Variants in ANKS3 observed in about 807,000 individuals in gnomAD.
ANKS3 encodes the protein ankyrin repeat and sterile alpha motif domain containing 3.
Under a neutral mutation model 80.7 loss-of-function variants are expected in ANKS3, and 62 were observed. The ratio of observed to expected loss-of-function variants is 0.77; its 90% confidence interval spans 0.63 to 0.95. The LOEUF is 0.95. Ranked by LOEUF, ANKS3 falls within the 40% of genes least tolerant of loss-of-function variation. The pLI, the probability that ANKS3 is intolerant of heterozygous loss-of-function variation, is 0.00. For missense variants in ANKS3, 1,150 were observed against 883.6 expected (o/e 1.30, Z -3.82); for synonymous variants, 489 against 355.3 (o/e 1.38, Z -4.23).
Position 4,734,261 on chromosome 16 carries a change from GC to G in ANKS3, c.-395del, listed in dbSNP as rs2081832483. On this transcript the variant is annotated 5_prime_UTR_variant, in exon 1 of 18. Coordinates refer to ENST00000304283, the MANE Select transcript of ANKS3 (RefSeq NM_133450.4). Reference sequence around the variant, plus strand: ...CGCCGGGGCACCGCCCCCGGCACCCGCCCCGGAAGTAGTTGCGGGAGGGCGC... The same window carrying G: ...CGCCGGGGCACCGCCCCCGGCACCCGCCCGGAAGTAGTTGCGGGAGGGCGC... The G allele has an allele frequency of 6.5e-6, 1 of 154,956 alleles. No individual in the cohort carries two copies. Among genetic ancestry groups the G allele is most frequent in the Non-Finnish European group, 1.4e-5 (1 of 70,548 alleles). 9.6% of individuals were successfully genotyped at this position (154,956 alleles called of 1,614,324 possible).
At chr16:4,706,941 A>G (rs1171738346) in intron 7 of ANKS3, among the ~76,000 whole-genome samples, 1 of 152,254 alleles carries the variant, frequency 6.6e-6, no homozygotes, top group Non-Finnish European at 1.5e-5. Context: ...GGGAGAGCTC[A>G]GGCCCTGAAC....
intron 6 of ANKS3, among the ~76,000 whole-genome samples, chr16:4,721,038 G>T (rs1288602012): frequency 6.6e-6 from 1 of 150,896 alleles, no homozygotes; most frequent in Non-Finnish European, 1.5e-5. Context: ...AGGCACGGTG[G>T]CTCACGCCTG....
intron 14 of ANKS3, 80 bp downstream of exon 14, chr16:4,698,347 G>A (rs1596341333): frequency 1.4e-6 from 2 of 1,426,366 alleles, no homozygotes; most frequent in South Asian, 3.0e-5. Flanking sequence ...ACAAAATCAG[G>A]AGGAAAGGAT....
intron 7 of ANKS3, among the ~76,000 whole-genome samples, chr16:4,712,708 T>A (rs1452593951): frequency 2.0e-5 from 3 of 152,164 alleles, no homozygotes; most frequent in Non-Finnish European, 4.4e-5. Flanking sequence ...ACAGTCAGCC[T>A]CTCATGTAAC....
Position 4,700,994 on chromosome 16 carries a change from C to G in ANKS3, c.1260G>C (p.Gln420His), listed in dbSNP as rs757893307. 3.7e-6 allele frequency: 6 copies of G among 1,613,862 alleles called. No homozygotes were observed. The highest frequency in any genetic ancestry group is 1.1e-5 in the South Asian group (1 of 91,094). ...CCTGGGGTCCTGAGTAGGGGGCCCT[C>G]TGAGTCTGGGGGCTGGACTCAGCGA... The part of the protein sequence containing the change: ...GFLAESSPQT[Q>H]RAPYSGPQDL... The change falls in exon 11 of 18, where the codon CAG (glutamine) becomes CAC (histidine). Residue 420 changes from glutamine (Q) to histidine (H), a missense_variant. Transcript: ENST00000304283.
intron 15 of ANKS3, among the ~76,000 whole-genome samples, 163 bp downstream of exon 15, chr16:4,697,814 C>T (rs912352337): frequency 1.3e-5 from 2 of 152,198 alleles, no homozygotes; most frequent in African/African-American, 4.8e-5. Flanking sequence ...CTTGGGTCCC[C>T]AGGGCCCCCT....
intron 14 of ANKS3, 59 bp downstream of exon 14, chr16:4,698,368 C>T: frequency 7.0e-7 from 1 of 1,435,718 alleles, no homozygotes; most frequent in Non-Finnish European, 9.1e-7. Flanking sequence ...GTGTGGGGGC[C>T]CAGGGGCCAG....
chr16:4,732,366 C>A (rs1304408054), intron 1 of ANKS3, among the ~76,000 whole-genome samples: 1 of 152,164 alleles, frequency 6.6e-6, no homozygotes, highest in Admixed American at 6.5e-5. Context: ...AGGCCTCCTG[C>A]AGGGTGAGGC....
At chr16:4,700,617 GCACACA>G in intron 11 of ANKS3, 1 of 391,266 alleles carries the variant, frequency 2.6e-6, no homozygotes, top group Non-Finnish European at 4.9e-6. Flanking sequence ...CCATCACCAA[GCACACA>G]CTGTGTGTAG....
intron 6 of ANKS3, among the ~76,000 whole-genome samples, chr16:4,720,654 C>T (rs1174048082): frequency 1.3e-5 from 2 of 151,002 alleles, no homozygotes; most frequent in East Asian, 2.0e-4. Flanking sequence ...GAAATGTCAA[C>T]GGTAGGCCAG....
intron 7 of ANKS3, among the ~76,000 whole-genome samples, chr16:4,709,361 G>A (rs989154894): frequency 3.3e-5 from 5 of 150,726 alleles, no homozygotes; most frequent in Non-Finnish European, 5.9e-5. Context: ...AGCCAAGATC[G>A]TGCCATTGCA....
In ANKS3 at chr16:4,701,294, C is replaced by T. The variant is rs373203318; in HGVS notation, c.1119+140G>A. 1.1e-4 allele frequency: 153 copies of T among 1,364,120 alleles called. 1 individual carries two copies. The East Asian group carries it at 2.3e-3, about 20-fold the overall frequency. 84.5% of individuals were successfully genotyped at this position (1,364,120 alleles called of 1,614,324 possible). A position where few individuals can be genotyped will look rare whatever the true frequency, so the allele number is the denominator to read the frequency against. On this transcript the variant is annotated intron_variant, in intron 10 of 17. Coordinates refer to ENST00000304283, the MANE Select transcript of ANKS3 (RefSeq NM_133450.4). ...TCGCTGTCGTCTGAGAAGCCAGACC[C>T]TGGACACAGCACGTCCCAGTGCAGC...
chr16:4,697,442 T>C, intron 15 of ANKS3, 26 bp from the exon 16 acceptor site: 1 of 1,560,092 alleles, frequency 6.4e-7, no homozygotes, highest in Non-Finnish European at 8.7e-7. Context: ...AGGGACCGAG[T>C]TAGCTGGGGG....
intron 7 of ANKS3, among the ~76,000 whole-genome samples, chr16:4,706,900 G>T (rs2080223492): frequency 6.6e-6 from 1 of 152,198 alleles, no homozygotes; most frequent in Admixed American, 6.5e-5. Flanking sequence ...GGTGCAAACT[G>T]ACAGGACAAC....
chr16:4,705,504 G>A (rs1178433896), intron 7 of ANKS3, among the ~76,000 whole-genome samples: 4 of 152,324 alleles, frequency 2.6e-5, no homozygotes, highest in African/African-American at 4.8e-5. Flanking sequence ...TCTGTCCCCC[G>A]AGCTGAAGTG....
chr16:4,711,133 C>T (rs547492697), intron 7 of ANKS3, among the ~76,000 whole-genome samples: 140 of 115,556 alleles, frequency 1.2e-3, no homozygotes, highest in Admixed American at 3.6e-3. Context: ...GACAGAGTTT[C>T]GCTCTTGTTG....
Position 4,727,180 on chromosome 16 carries a change from A to C in ANKS3, c.171-3T>G. ...TCTTATTCAAATCTAACTCTCTCCTAAACAAACGCAAGATATGCTAGACAT... is the reference window on the plus strand; with the variant it reads ...TCTTATTCAAATCTAACTCTCTCCTCAACAAACGCAAGATATGCTAGACAT... On this transcript the variant is annotated splice_region_variant and splice_polypyrimidine_tract_variant and intron_variant, in intron 3 of 17. Coordinates refer to ENST00000304283, the MANE Select transcript of ANKS3 (RefSeq NM_133450.4). 6.2e-7 allele frequency: 1 copy of C among 1,613,762 alleles called. No homozygotes were observed. Among genetic ancestry groups the C allele is most frequent in the Non-Finnish European group, 8.5e-7 (1 of 1,179,962 alleles).
chr16:4,706,482 A>G (rs777934098), intron 7 of ANKS3, among the ~76,000 whole-genome samples: 37 of 152,154 alleles, frequency 2.4e-4, no homozygotes, highest in East Asian at 1.4e-3. Flanking sequence ...TGATCCGCCC[A>G]CCTTGGCCTC....
At chr16:4,720,411 G>A (rs1000951031) in intron 6 of ANKS3, among the ~76,000 whole-genome samples, 4 of 149,998 alleles carry the variant, frequency 2.7e-5, no homozygotes, top group African/African-American at 9.7e-5. Flanking sequence ...GCAGTGAGCC[G>A]AGATCGCGCC....
Sources: gnomAD v4.1 joint callset for allele counts (sites outside exome capture counted in the v4.1 genomes callset) on GRCh38, gnomAD v4.1.1 for gene constraint, MANE v1.5 for transcripts, NCBI Gene and HGNC (gene_info 2026-07-23, HGNC 2026-07-21) for gene names.